Variants in CTNNA3 observed in about 807,000 individuals in gnomAD.
The protein encoded by CTNNA3 is catenin alpha 3, also known as catenin alpha-3.
A neutral mutation model predicts 95.7 loss-of-function variants in CTNNA3; 76 were observed. The observed-to-expected ratio is 0.79, with a 90% CI of 0.66 to 0.96. The LOEUF (loss-of-function observed/expected upper bound fraction) is 0.96. CTNNA3 is among the 40% of genes least tolerant of loss of function. CTNNA3 has a pLI of 0.00. For missense variants in CTNNA3, 1,191 were observed against 1,089.8 expected (o/e 1.09, Z -1.31); for synonymous variants, 431 against 374.4 (o/e 1.15, Z -1.74).
At chr10:66,408,560 T>C (rs910775256) in intron 11 of CTNNA3, among the ~76,000 whole-genome samples, 6 of 152,178 alleles carry the variant, frequency 3.9e-5, no homozygotes, top group Non-Finnish European at 7.4e-5. Context: ...AAACCCAAAA[T>C]TTTAATCATC....
chr10:66,369,463 T>A (rs2092736712), intron 12 of CTNNA3, among the ~76,000 whole-genome samples: 1 of 152,152 alleles, frequency 6.6e-6, no homozygotes, highest in Non-Finnish European at 1.5e-5. Flanking sequence ...AGTCAAGCAA[T>A]CTTTCTTCAT....
chr10:65,963,476 T>C (rs935236385), intron 17 of CTNNA3, among the ~76,000 whole-genome samples: 6 of 152,258 alleles, frequency 3.9e-5, no homozygotes, highest in African/African-American at 1.2e-4. Flanking sequence ...GCGCCACTTA[T>C]GAAGCTTTCT....
chr10:67,464,396 T>A (rs1847501211), intron 5 of CTNNA3, among the ~76,000 whole-genome samples: 2 of 152,170 alleles, frequency 1.3e-5, no homozygotes, highest in African/African-American at 4.8e-5. Context: ...TCTTGTGACT[T>A]TTCAAATAAA....
chr10:66,311,134 G>A (rs1311992575), intron 12 of CTNNA3, among the ~76,000 whole-genome samples: 1 of 152,150 alleles, frequency 6.6e-6, no homozygotes, highest in East Asian at 1.9e-4. Context: ...AATACTTGAG[G>A]CATATATATC....
intron 13 of CTNNA3, among the ~76,000 whole-genome samples, chr10:66,124,836 C>T (rs2082739659): frequency 6.6e-6 from 1 of 152,160 alleles, no homozygotes. Context: ...GACCCACCCT[C>T]TTAATTCCAT....
chr10:67,454,160 T>C (rs1381554858), intron 5 of CTNNA3, among the ~76,000 whole-genome samples: 2 of 152,112 alleles, frequency 1.3e-5, no homozygotes, highest in African/African-American at 4.8e-5. Context: ...CTCAAACACT[T>C]TTAGGTTGCC....
chr10:67,222,792 T>C (rs1217747295), intron 5 of CTNNA3, among the ~76,000 whole-genome samples: 1 of 152,250 alleles, frequency 6.6e-6, no homozygotes, highest in African/African-American at 2.4e-5. Context: ...AAGTGACCTA[T>C]ACATTATGCT....
chr10:66,065,719 A>G (rs984298355), intron 15 of CTNNA3, among the ~76,000 whole-genome samples: 3 of 151,954 alleles, frequency 2.0e-5, no homozygotes, highest in Admixed American at 6.6e-5. Context: ...TCTGTTCCTC[A>G]TGGCTTTACC....
intron 7 of CTNNA3, among the ~76,000 whole-genome samples, chr10:67,144,074 A>G (rs551871694): frequency 7.9e-5 from 12 of 152,362 alleles, no homozygotes; most frequent in Admixed American, 5.9e-4. Context: ...GTTAGAAAGC[A>G]TGAAAACTCC....
intron 5 of CTNNA3, among the ~76,000 whole-genome samples, chr10:67,242,235 T>C (rs1343815761): frequency 6.6e-6 from 1 of 152,176 alleles, no homozygotes; most frequent in Non-Finnish European, 1.5e-5. Flanking sequence ...GTGTGGTCCA[T>C]AAGGTCATTT....
At chr10:66,463,725 T>C (rs886104815) in intron 11 of CTNNA3, among the ~76,000 whole-genome samples, 1 of 152,044 alleles carries the variant, frequency 6.6e-6, no homozygotes, top group African/African-American at 2.4e-5. Flanking sequence ...CCTATACTGA[T>C]AGGGCAGATC....
intron 12 of CTNNA3, 144 bp downstream of exon 12, chr10:66,379,008 A>G (rs562022734): frequency 1.5e-6 from 1 of 657,486 alleles, no homozygotes; most frequent in East Asian, 2.7e-5. Flanking sequence ...TTCAAATCGC[A>G]TAACCAAAGT....
intron 7 of CTNNA3, among the ~76,000 whole-genome samples, chr10:66,835,520 C>CTT: frequency 6.6e-6 from 1 of 152,286 alleles, no homozygotes; most frequent in African/African-American, 2.4e-5. Flanking sequence ...ATCACTTGCC[C>CTT]TTTGGCAGTG....
intron 5 of CTNNA3, among the ~76,000 whole-genome samples, chr10:67,423,975 ATCT>A (rs1239706949): frequency 6.6e-6 from 1 of 152,174 alleles, no homozygotes; most frequent in South Asian, 2.1e-4. Flanking sequence ...CTCTTTCTGG[ATCT>A]TCTTATTATG....
chr10:66,415,883 G>A (rs1441980666), intron 11 of CTNNA3, among the ~76,000 whole-genome samples: 1 of 152,066 alleles, frequency 6.6e-6, no homozygotes, highest in Admixed American at 6.6e-5. Flanking sequence ...GTTAGAAGAA[G>A]CAACTGCTAC....
intron 10 of CTNNA3, among the ~76,000 whole-genome samples, chr10:66,552,397 G>C (rs1405642939): frequency 1.3e-5 from 2 of 152,126 alleles, no homozygotes; most frequent in African/African-American, 2.4e-5. Context: ...ATCCACAGGA[G>C]AGCATTTCAA....
chr10:65,980,729 A>G (rs537305702), intron 16 of CTNNA3, among the ~76,000 whole-genome samples: 1 of 151,922 alleles, frequency 6.6e-6, no homozygotes, highest in Non-Finnish European at 1.5e-5. Context: ...ACATAAAAAA[A>G]TTTTAAAAAT....
chr10:67,360,741 C>A (rs1842967329), intron 5 of CTNNA3, among the ~76,000 whole-genome samples: 1 of 151,996 alleles, frequency 6.6e-6, no homozygotes, highest in Non-Finnish European at 1.5e-5. Flanking sequence ...GTGCTACATA[C>A]TTTTAAACAA....
At chr10:66,398,601 G>A (rs974189263) in intron 11 of CTNNA3, among the ~76,000 whole-genome samples, 4 of 151,830 alleles carry the variant, frequency 2.6e-5, no homozygotes, top group East Asian at 1.9e-4. Context: ...GTAACATGAC[G>A]GCAAAAACAC....
Sources: allele counts gnomAD v4.1 joint callset (sites outside exome capture counted in the v4.1 genomes callset), GRCh38; gene constraint gnomAD v4.1.1; transcripts MANE v1.5; gene names NCBI Gene and HGNC (gene_info 2026-07-23, HGNC 2026-07-21).